KCND2: variants seen among roughly 807,000 people sequenced by gnomAD.
The protein encoded by KCND2 is potassium voltage-gated channel subfamily D member 2.
A neutral mutation model predicts 54.4 loss-of-function variants in KCND2; 16 were observed. That is an observed-to-expected ratio of 0.29 (90% CI 0.20 to 0.45). The LOEUF (loss-of-function observed/expected upper bound fraction) is 0.45, where lower values mean the gene tolerates loss of function less well. KCND2 is among the 20% of genes least tolerant of loss of function. KCND2 has a pLI of 1.00. For synonymous variants in KCND2, 317 were observed against 310.7 expected (o/e 1.02, Z -0.21); for missense variants, 486 against 824.2 (o/e 0.59, Z 5.02).
At chr7:120,316,332 G>A (rs1456347542) in intron 1 of KCND2, among the ~76,000 whole-genome samples, 2 of 152,156 alleles carry the variant, frequency 1.3e-5, no homozygotes, top group African/African-American at 4.8e-5. Flanking sequence ...ATGTGATGCA[G>A]AGGCAATTTT....
chr7:120,558,993 CTG>C (rs34908580), intron 1 of KCND2, among the ~76,000 whole-genome samples: 1,818 of 149,064 alleles, frequency 0.012, 39 homozygotes, highest in African/African-American at 0.04. Flanking sequence ...TCACAAAGTA[CTG>C]TGTGTGTGTG....
chr7:120,551,151 A>T (rs534161322), intron 1 of KCND2, among the ~76,000 whole-genome samples: 4 of 152,226 alleles, frequency 2.6e-5, no homozygotes, highest in Non-Finnish European at 5.9e-5. Flanking sequence ...TCTCTGGGGA[A>T]TAAAGGGAAT....
chr7:120,507,256 A>T (rs1803038366), intron 1 of KCND2, among the ~76,000 whole-genome samples: 1 of 151,514 alleles, frequency 6.6e-6, no homozygotes, highest in Admixed American at 6.6e-5. Flanking sequence ...ATATCCTTTT[A>T]TGAATAGGAT....
At chr7:120,634,201 C>T (rs1296135152) in intron 1 of KCND2, among the ~76,000 whole-genome samples, 1 of 152,166 alleles carries the variant, frequency 6.6e-6, no homozygotes, top group East Asian at 1.9e-4. Flanking sequence ...TGAGCCTTAG[C>T]TGCTTGAGGA....
At chr7:120,584,876 A>T (rs953221969) in intron 1 of KCND2, among the ~76,000 whole-genome samples, 1 of 152,272 alleles carries the variant, frequency 6.6e-6, no homozygotes. Context: ...CTTATTAATT[A>T]TCATGATTGA....
At chr7:120,454,841 G>A (rs1429310327) in intron 1 of KCND2, among the ~76,000 whole-genome samples, 1 of 152,050 alleles carries the variant, frequency 6.6e-6, no homozygotes, top group Non-Finnish European at 1.5e-5. Flanking sequence ...AAAGTTTCAG[G>A]ATACAAAATT....
At chr7:120,613,359 G>A (rs990556492) in intron 1 of KCND2, among the ~76,000 whole-genome samples, 2 of 151,914 alleles carry the variant, frequency 1.3e-5, no homozygotes, top group East Asian at 1.9e-4. Flanking sequence ...GCAAAACCCC[G>A]GTCTCTACTA....
chr7:120,398,157 A>G (rs890359437), intron 1 of KCND2, among the ~76,000 whole-genome samples: 2 of 125,080 alleles, frequency 1.6e-5, no homozygotes, highest in East Asian at 2.9e-4. Flanking sequence ...ATGTATATAC[A>G]TATATACACA....
Position 120,569,953 on chromosome 7 carries a change from T to TCAAAA in KCND2, c.1116-162929_1116-162925dup, listed in dbSNP as rs1003844926. 5.3e-5 allele frequency among the ~76,000 whole-genome samples: 8 copies of TCAAAA among 152,110 alleles called. No homozygotes were observed. The East Asian group carries it at 5.8e-4, about 11-fold the overall frequency. On this transcript the variant is annotated intron_variant, in intron 1 of 5. Coordinates refer to ENST00000331113, the MANE Select transcript of KCND2 (RefSeq NM_012281.3). ...TTTATTTGACAAATGCTAATGATGC[T>TCAAAA]CAAAACAAAACAAAACAAAACAAAA...
At chr7:120,347,409 G>A (rs1800336118) in intron 1 of KCND2, among the ~76,000 whole-genome samples, 1 of 152,166 alleles carries the variant, frequency 6.6e-6, no homozygotes, top group Admixed American at 6.5e-5. Flanking sequence ...AAATAGAACT[G>A]CATTAAGGAG....
intron 1 of KCND2, among the ~76,000 whole-genome samples, chr7:120,560,307 A>G (rs1340904549): frequency 6.6e-6 from 1 of 152,190 alleles, no homozygotes; most frequent in Non-Finnish European, 1.5e-5. Context: ...ACTATTCAGT[A>G]GTTTTAAAAG....
At chr7:120,583,227 C>T (rs759620073) in intron 1 of KCND2, among the ~76,000 whole-genome samples, 1 of 152,094 alleles carries the variant, frequency 6.6e-6, no homozygotes, top group African/African-American at 2.4e-5. Context: ...CCAACACATC[C>T]TACAGAGCAG....
At chr7:120,726,040 A>G (rs1052862639) in intron 1 of KCND2, among the ~76,000 whole-genome samples, 4 of 152,204 alleles carry the variant, frequency 2.6e-5, no homozygotes, top group Non-Finnish European at 5.9e-5. Flanking sequence ...TTTTTTTAAA[A>G]TACACTGTTA....
chr7:120,451,824 G>C (rs561727359), intron 1 of KCND2, among the ~76,000 whole-genome samples: 3 of 152,276 alleles, frequency 2.0e-5, no homozygotes, highest in Admixed American at 6.5e-5. Flanking sequence ...CTATGCTCCA[G>C]TGTCACTGAA....
chr7:120,451,611 C>T (rs962013535), intron 1 of KCND2, among the ~76,000 whole-genome samples: 6 of 152,118 alleles, frequency 3.9e-5, no homozygotes, highest in African/African-American at 7.2e-5. Context: ...TTTTCGCAGA[C>T]GTAAAGGCAA....
At chr7:120,558,679 T>C (rs1028202644) in intron 1 of KCND2, among the ~76,000 whole-genome samples, 2 of 152,144 alleles carry the variant, frequency 1.3e-5, no homozygotes, top group Admixed American at 6.6e-5. Flanking sequence ...AGCTGTTCCC[T>C]CTCTGAGCTT....
chr7:120,536,529 C>G (rs1791909194), intron 1 of KCND2, among the ~76,000 whole-genome samples: 1 of 152,144 alleles, frequency 6.6e-6, no homozygotes, highest in Non-Finnish European at 1.5e-5. Context: ...AGTCAATCTT[C>G]TCATACCCTG....
chr7:120,522,461 ATGGGAT>A (rs1791711098), intron 1 of KCND2, among the ~76,000 whole-genome samples: 1 of 152,186 alleles, frequency 6.6e-6, no homozygotes, highest in Admixed American at 6.5e-5. Flanking sequence ...TTAAAGATCA[ATGGGAT>A]ATGTAAAGTG....
chr7:120,677,542 G>GAT (rs1554384967), intron 1 of KCND2, among the ~76,000 whole-genome samples: 15 of 139,710 alleles, frequency 1.1e-4, no homozygotes, highest in African/African-American at 2.9e-4. Context: ...TATAGATATA[G>GAT]ATATAGATAT....
Sources: gnomAD v4.1 joint callset for allele counts (sites outside exome capture counted in the v4.1 genomes callset) on GRCh38, gnomAD v4.1.1 for gene constraint, MANE v1.5 for transcripts, NCBI Gene and HGNC (gene_info 2026-07-23, HGNC 2026-07-21) for gene names.